KLF8: variants seen among roughly 807,000 people sequenced by gnomAD.
KLF8 encodes the protein KLF transcription factor 8.
KLF8 carries 10 observed loss-of-function variants against 18.2 expected under a neutral mutation model. The ratio of observed to expected loss-of-function variants is 0.55; its 90% CI spans 0.34 to 0.93. The LOEUF (loss-of-function observed/expected upper bound fraction) is 0.93. Ranked by LOEUF, KLF8 falls within the 40% of genes least tolerant of loss-of-function variation. KLF8 has a pLI of 0.02. For synonymous variants in KLF8, 109 were observed against 97.3 expected (o/e 1.12, Z -0.71); for missense variants, 264 against 277.9 (o/e 0.95, Z 0.36).
chrX:56,109,169 G>A, the KLF8 span, among the ~76,000 whole-genome samples: 7 of 110,967 alleles, frequency 6.3e-5, no homozygotes, highest in Non-Finnish European at 1.1e-4. Flanking sequence ...GGCCAAGGTG[G>A]GAGGATCATG....
chrX:55,977,891 A>G, the KLF8 span, among the ~76,000 whole-genome samples: 4 of 110,766 alleles, frequency 3.6e-5, no homozygotes, highest in African/African-American at 1.3e-4. Context: ...GGAGAGCTCT[A>G]TCATTTTCCA....
intron 3 of KLF8, chrX:56,268,451 A>T (rs2066999196): frequency 8.9e-6 from 1 of 112,310 alleles, no homozygotes; most frequent in Non-Finnish European, 1.9e-5. Flanking sequence ...TTTTCTCCAC[A>T]TACTCACCAG....
chrX:56,192,222 C>A, the KLF8 span, among the ~76,000 whole-genome samples: 1 of 111,464 alleles, frequency 9.0e-6, no homozygotes, highest in Non-Finnish European at 1.9e-5. Context: ...ATTCCATTTA[C>A]AATAGCTAAA....
chrX:56,273,609 T>G (rs2067084790), intron 5 of KLF8, among the ~76,000 whole-genome samples: 1 of 111,601 alleles, frequency 9.0e-6, no homozygotes, highest in African/African-American at 3.3e-5. Flanking sequence ...CCTGGCTTAT[T>G]TCACTTAACA....
the KLF8 span, among the ~76,000 whole-genome samples, chrX:56,225,750 G>A: frequency 8.9e-6 from 1 of 112,231 alleles, no homozygotes; most frequent in Non-Finnish European, 1.9e-5. Context: ...AGGAAGCCGA[G>A]GCCCAGATAG....
At chrX:56,159,506 C>T in the KLF8 span, among the ~76,000 whole-genome samples, 1 of 112,626 alleles carries the variant, frequency 8.9e-6, no homozygotes, top group African/African-American at 3.2e-5. Context: ...GGCTGTGAAT[C>T]CATCTGGTCC....
rs2067305450 is a variant in KLF8 at position 56,289,903 on chromosome X, T to C, written c.*5409T>C. On this transcript the variant is annotated 3_prime_UTR_variant, in exon 6 of 6. Transcript: ENST00000468660. ...ATCTGAGTTCCAAGATTCTGGGGTC[T>C]ATCCTGCCCCCAAAAAGTTTTCTCA... Among the ~76,000 whole-genome samples, 1 of 111,488 alleles carries C rather than the reference T, an allele frequency of 9.0e-6. No individual in the cohort carries two copies. Among genetic ancestry groups the C allele is most frequent in the East Asian group, 2.8e-4 (1 of 3,583 alleles).
the KLF8 span, among the ~76,000 whole-genome samples, chrX:56,163,000 G>A: frequency 8.9e-5 from 10 of 111,809 alleles, no homozygotes; most frequent in African/African-American, 1.6e-4. Flanking sequence ...ATCATTTTGC[G>A]GCATTTAGGT....
At chrX:55,990,042 T>G in the KLF8 span, among the ~76,000 whole-genome samples, 1 of 111,700 alleles carries the variant, frequency 9.0e-6, no homozygotes, top group East Asian at 2.8e-4. Context: ...GTGGGATCGG[T>G]GGTGATATCC....
chrX:56,029,210 C>T, the KLF8 span, among the ~76,000 whole-genome samples: 4 of 110,228 alleles, frequency 3.6e-5, no homozygotes, highest in Non-Finnish European at 7.6e-5. Flanking sequence ...TGACCTGGCT[C>T]GGTTAGAAAA....
chrX:56,054,975 A>G, the KLF8 span, among the ~76,000 whole-genome samples: 2 of 111,037 alleles, frequency 1.8e-5, no homozygotes, highest in Non-Finnish European at 3.8e-5. Flanking sequence ...GTGTGATTTC[A>G]TGTGAGATGG....
chrX:56,078,433 C>G, the KLF8 span, among the ~76,000 whole-genome samples: 1 of 111,856 alleles, frequency 8.9e-6, no homozygotes, highest in Non-Finnish European at 1.9e-5. Flanking sequence ...TGTTTATATG[C>G]TGGATTACAT....
the KLF8 span, among the ~76,000 whole-genome samples, chrX:56,195,254 G>A: frequency 8.9e-6 from 1 of 112,160 alleles, no homozygotes; most frequent in East Asian, 2.8e-4. Context: ...ACAGAGGTAG[G>A]CTTCAGCAGG....
At chrX:56,075,688 T>G in the KLF8 span, among the ~76,000 whole-genome samples, 1 of 111,740 alleles carries the variant, frequency 8.9e-6, no homozygotes, top group Non-Finnish European at 1.9e-5. Context: ...CAGCCTCTGG[T>G]AACCGTCCTT....
chrX:56,185,284 A>G, the KLF8 span, among the ~76,000 whole-genome samples: 1 of 111,889 alleles, frequency 8.9e-6, no homozygotes, highest in Non-Finnish European at 1.9e-5. Context: ...GTGATAGAAG[A>G]TGAAATGAAT....
At chrX:56,207,212 A>G in the KLF8 span, among the ~76,000 whole-genome samples, 34 of 112,475 alleles carry the variant, frequency 3.0e-4, no homozygotes, top group East Asian at 9.6e-3. Context: ...TGCCCTGGAG[A>G]CATTTTCCCC....
the KLF8 span, among the ~76,000 whole-genome samples, chrX:56,117,202 A>T: frequency 1.8e-5 from 2 of 112,114 alleles, no homozygotes; most frequent in Admixed American, 9.5e-5. Flanking sequence ...AACAGTCCTA[A>T]CACATTTCAG....
chrX:56,259,380 CT>C (rs1015743092), intron 2 of KLF8, among the ~76,000 whole-genome samples: 2 of 110,739 alleles, frequency 1.8e-5, no homozygotes, highest in Non-Finnish European at 3.8e-5. Flanking sequence ...TCATACCTTT[CT>C]TTTTTTTCCT....
At chrX:56,037,328 TC>T in the KLF8 span, among the ~76,000 whole-genome samples, 2 of 111,298 alleles carry the variant, frequency 1.8e-5, no homozygotes, top group Non-Finnish European at 3.8e-5. Context: ...AATATTTTGT[TC>T]AGGAATTTAC....
Sources: gnomAD v4.1 joint callset for allele counts (sites outside exome capture counted in the v4.1 genomes callset) on GRCh38, gnomAD v4.1.1 for gene constraint, MANE v1.5 for transcripts, NCBI Gene and HGNC (gene_info 2026-07-23, HGNC 2026-07-21) for gene names.